SPOCK2: variants seen among roughly 807,000 people sequenced by gnomAD.
The protein encoded by SPOCK2 is testican-2.
SPOCK2 carries 39 observed loss-of-function variants against 60.1 expected under a neutral mutation model. The ratio of observed to expected loss-of-function variants is 0.65; its 90% confidence interval spans 0.50 to 0.85. The LOEUF (loss-of-function observed/expected upper bound fraction) is 0.85. SPOCK2 is among the 40% of genes least tolerant of loss of function. The pLI, the probability that SPOCK2 is intolerant of heterozygous loss-of-function variation, is 0.00. For missense variants in SPOCK2, 523 were observed against 567.4 expected, an observed-to-expected ratio of 0.92 and a Z score of 0.80; for synonymous variants, 217 against 231.5, an observed-to-expected ratio of 0.94 and a Z score of 0.57.
chr10:72,062,639 CA>C lies in SPOCK2; in HGVS notation c.*120del. On this transcript the variant is annotated 3_prime_UTR_variant, in exon 11 of 11. Coordinates refer to ENST00000373109, the MANE Select transcript of SPOCK2 (RefSeq NM_001244950.2). The surrounding 1 kb of genome is among the most constrained non-coding windows in gnomAD (Gnocchi z 4.3). ...CACATGCCATGCACACTCACACTCC[CA>C]GTCCCCCCAGGTGGAGCAGGGTCCT... The C allele has an allele frequency of 6.7e-7, 1 of 1,502,354 alleles. No individual in the cohort carries two copies. Among genetic ancestry groups the C allele is most frequent in the Non-Finnish European group, 8.8e-7 (1 of 1,132,818 alleles). 93.1% of individuals were successfully genotyped at this position (1,502,354 alleles called of 1,614,324 possible).
At chr10:72,073,412 G>A (rs1003897641) in intron 1 of SPOCK2, among the ~76,000 whole-genome samples, 2 of 152,238 alleles carry the variant, frequency 1.3e-5, no homozygotes, top group African/African-American at 4.8e-5. Flanking sequence ...GCAAAGGGAT[G>A]CTTTTTGCTC....
intron 1 of SPOCK2, among the ~76,000 whole-genome samples, chr10:72,078,389 T>C (rs1177080654): frequency 1.3e-5 from 2 of 151,788 alleles, no homozygotes; most frequent in Non-Finnish European, 2.9e-5. Context: ...CGGGCGCCTG[T>C]AGTCCCAGCT....
rs938655837 is a variant in SPOCK2, at chr10:72,060,398, A to G, written c.*2362T>C. Reference sequence around the variant, plus strand: ...CAGAAGACCCAGAGACAGAGAGAGCACGTGTCCCAGGAGCGGAGGGTGACA... The same window carrying G: ...CAGAAGACCCAGAGACAGAGAGAGCGCGTGTCCCAGGAGCGGAGGGTGACA... On this transcript the variant is annotated 3_prime_UTR_variant, in exon 11 of 11. Coordinates refer to ENST00000373109, the MANE Select transcript of SPOCK2 (RefSeq NM_001244950.2). 6.6e-6 allele frequency: 1 copy of G among 152,274 alleles called. No homozygotes were observed. Among genetic ancestry groups the G allele is most frequent in the African/African-American group, 2.4e-5 (1 of 41,432 alleles). The allele number at this position is 152,274 out of a possible 1,614,324, so 9.4% of individuals were successfully genotyped here. A position where few individuals can be genotyped will look rare whatever the true frequency, so the allele number is the denominator to read the frequency against.
intron 4 of SPOCK2, among the ~76,000 whole-genome samples, chr10:72,070,634 T>C (rs934552803): frequency 3.0e-5 from 4 of 133,002 alleles, no homozygotes; most frequent in Admixed American, 7.8e-5. Flanking sequence ...AGGGCATAAA[T>C]TCCCCCAGCT....
In SPOCK2 at chr10:72,063,051, G is replaced by A. The variant is rs531842927; in HGVS notation, c.1103C>T (p.Thr368Met). ...VDQLGLELTG[T>M]RTHGSPDCDD... ...GCAGTCGGGGCTCCCATGCGTGCGC[G>A]TGCCAGTCAGCTCCAGGCCCAGCTG... Residue 368 changes from threonine (T) to methionine (M), a missense_variant, in exon 10 of 11, where the codon ACG (threonine) becomes ATG (methionine). By Grantham distance (81) the Thr-to-Met change is moderately conservative (BLOSUM62 -1). Coordinates refer to ENST00000373109, the MANE Select transcript of SPOCK2 (RefSeq NM_001244950.2). 42 of 1,553,534 alleles carry A rather than the reference G, an allele frequency of 2.7e-5. No homozygotes were observed. The highest frequency in any genetic ancestry group is 2.5e-4 in the African/African-American group (18 of 73,240).
chr10:72,067,485 G>T lies in SPOCK2; in HGVS notation c.709+128C>A, dbSNP rs1163289701. On this transcript the variant is annotated intron_variant, in intron 7 of 10. Coordinates refer to ENST00000373109, the MANE Select transcript of SPOCK2 (RefSeq NM_001244950.2). ...ACTTCTTTGGGGTGAAGGTTCTTTT[G>T]GGGCCCAGATTGTAGGGCCCAGAGT... The T allele has an allele frequency of 9.5e-6, 14 of 1,473,814 alleles. No individual in the cohort carries two copies. In the Admixed American group the frequency reaches 1.9e-4, roughly 20 times the overall value. 91.3% of individuals were successfully genotyped at this position (1,473,814 alleles called of 1,614,324 possible). A position where few individuals can be genotyped will look rare whatever the true frequency, so the allele number is the denominator to read the frequency against.
chr10:72,082,853 CAAAAAAAAA>C (rs770751183), intron 1 of SPOCK2, among the ~76,000 whole-genome samples: 2 of 46,014 alleles, frequency 4.3e-5, no homozygotes, highest in African/African-American at 1.0e-4. Flanking sequence ...GACCCTGTCT[CAAAAAAAAA>C]AAAAAAAAAA....
chr10:72,086,554 C>T, intron 1 of SPOCK2: 1 of 1,143,532 alleles, frequency 8.7e-7, no homozygotes, highest in Non-Finnish European at 1.1e-6. Context: ...GCCGCCCCCT[C>T]GCTGCTGTGG....
intron 1 of SPOCK2, among the ~76,000 whole-genome samples, chr10:72,078,571 A>G (rs868462020): frequency 6.6e-6 from 1 of 151,962 alleles, no homozygotes. Flanking sequence ...AAAAAATATA[A>G]TAAGTATTAT....
chr10:72,081,543 C>A (rs1054047523), intron 1 of SPOCK2, among the ~76,000 whole-genome samples: 1 of 152,212 alleles, frequency 6.6e-6, no homozygotes, highest in African/African-American at 2.4e-5. Flanking sequence ...AGGTGGCTGG[C>A]CCACTCTGTG....
intron 2 of SPOCK2, 113 bp from the exon 3 acceptor site, chr10:72,072,661 G>A (rs1840664840): frequency 8.0e-6 from 12 of 1,499,342 alleles, no homozygotes; most frequent in Admixed American, 7.5e-5. Context: ...GCCAATGGCC[G>A]TCATCCTGGT....
At chr10:72,083,792 A>T (rs1025853691) in intron 1 of SPOCK2, among the ~76,000 whole-genome samples, 10 of 152,034 alleles carry the variant, frequency 6.6e-5, no homozygotes, top group Admixed American at 6.5e-5. Context: ...TGTTGTTGTT[A>T]TATGTTTTGT....
At chr10:72,072,649 G>A (rs1589121462) in intron 2 of SPOCK2, 101 bp from the exon 3 acceptor site, 1 of 1,547,574 alleles carries the variant, frequency 6.5e-7, no homozygotes, top group South Asian at 1.1e-5. Flanking sequence ...GCGATGTCAT[G>A]TGCCAATGGC....
At chr10:72,065,702 C>T (rs1746286930) in intron 8 of SPOCK2, among the ~76,000 whole-genome samples, 1 of 152,182 alleles carries the variant, frequency 6.6e-6, no homozygotes. Flanking sequence ...GATGGAGTGG[C>T]CTTCAAAGGC....
chr10:72,066,345 CT>C (rs556163596), intron 8 of SPOCK2, among the ~76,000 whole-genome samples: 148 of 144,498 alleles, frequency 1.0e-3, no homozygotes, highest in African/African-American at 1.0e-3. Flanking sequence ...TTCTTTCCTT[CT>C]TTTTTTTTTT....
Position 72,070,389 on chromosome 10 carries a change from C to G in SPOCK2, c.397G>C (p.Asp133His). The G allele has an allele frequency of 1.2e-6, 2 of 1,614,180 alleles. No homozygotes were observed. ...QPTVKLHGNKDSICKPCHMAQ... is the reference protein window; with the variant it reads ...QPTVKLHGNKHSICKPCHMAQ... ...ATGTGGCAGGGCTTGCAGATGGAGT[C>G]TTTGTTTCCATGGAGTTTCACGGTC... is the stretch of plus-strand genomic sequence containing the variant. Residue 133 changes from aspartate (D) to histidine (H), a missense_variant, in exon 5 of 11, where the codon GAC (aspartate) becomes CAC (histidine). Transcript: ENST00000373109.
chr10:72,070,057 CT>C (rs1400223128), intron 5 of SPOCK2: 6 of 424,764 alleles, frequency 1.4e-5, no homozygotes, highest in Non-Finnish European at 2.1e-5. Context: ...CATAGTGTCT[CT>C]TCCAGGCCCC....
intron 1 of SPOCK2, among the ~76,000 whole-genome samples, chr10:72,081,020 T>C (rs1840777017): frequency 1.3e-5 from 2 of 151,894 alleles, no homozygotes; most frequent in South Asian, 2.1e-4. Flanking sequence ...CTCAGGACCC[T>C]GGCTTCCCTC....
chr10:72,062,780 C>A lies in SPOCK2; in HGVS notation c.1255G>T (p.Asp419Tyr), dbSNP rs745785470. The A allele has an allele frequency of 1.2e-6, 2 of 1,607,540 alleles. No homozygotes were observed. The highest frequency in any genetic ancestry group is 2.2e-5 in the East Asian group (1 of 44,878). ...EEEGEAGEAD[D>Y]GGYIW is the part of the protein sequence containing the mutation. ...GGCGTCTACCAGATGTAGCCCCCGT[C>A]GTCAGCCTCGCCTGCCTCGCCCTCC... The change falls in exon 11 of 11, where the codon GAC (aspartate) becomes TAC (tyrosine). Residue 419 changes from aspartate (D) to tyrosine (Y), a missense_variant. Asp to Tyr is a radical substitution (Grantham distance 160). Transcript: ENST00000373109. The surrounding 1 kb of genome is among the most constrained non-coding windows in gnomAD (Gnocchi z 4.3).
Sources: gnomAD v4.1 joint callset for allele counts (sites outside exome capture counted in the v4.1 genomes callset) on GRCh38, gnomAD v4.1.1 for gene constraint, Gnocchi (gnomAD v3.1) non-coding constraint, MANE v1.5 for transcripts, NCBI Gene and HGNC (gene_info 2026-07-23, HGNC 2026-07-21) for gene names.